Variants in TNFRSF10D observed in about 807,000 individuals in gnomAD.
TNFRSF10D encodes the protein TNF receptor superfamily member 10d.
Under a neutral mutation model 42.1 loss-of-function variants are expected in TNFRSF10D, and 28 were observed. The observed-to-expected ratio is 0.66, with a 90% CI of 0.49 to 0.91. The LOEUF (loss-of-function observed/expected upper bound fraction) is 0.91, where lower values mean the gene tolerates loss of function less well. TNFRSF10D is among the 40% of genes least tolerant of loss of function. TNFRSF10D has a pLI of 0.00. For missense variants in TNFRSF10D, 503 were observed against 486.1 expected (o/e 1.03, Z -0.33); for synonymous variants, 186 against 189.4 (o/e 0.98, Z 0.15).
chr8:23,144,904 G>A (rs112458971), intron 6 of TNFRSF10D, among the ~76,000 whole-genome samples, 154 bp downstream of exon 6: 1,792 of 152,248 alleles, frequency 0.012, 24 homozygotes, highest in African/African-American at 0.039. Context: ...CAAAATGGCC[G>A]TGTGTCCCCC....
intron 1 of TNFRSF10D, among the ~76,000 whole-genome samples, chr8:23,159,945 A>G (rs1716216528): frequency 2.6e-5 from 4 of 151,810 alleles, no homozygotes; most frequent in Non-Finnish European, 5.9e-5. Flanking sequence ...AAAAAAAAAA[A>G]GCCCTTCAAG....
chr8:23,136,285 T>C lies in TNFRSF10D; in HGVS notation c.*1585A>G, dbSNP rs6557617. 178,207 of 230,902 alleles carry C rather than the reference T, an allele frequency of 0.77. 69,481 individuals are homozygous for C. The highest frequency in any genetic ancestry group is 0.88 in the East Asian group (6,227 of 7,100). 14.3% of individuals were successfully genotyped at this position (230,902 alleles called of 1,614,324 possible). ...CAAATGTGTCAGCCATTTTAGATCC[T>C]GTTGTCACAGTGTTTAAGAATTGAT... On this transcript the variant is annotated 3_prime_UTR_variant, in exon 9 of 9. Coordinates refer to ENST00000312584, the MANE Select transcript of TNFRSF10D (RefSeq NM_003840.5).
intron 2 of TNFRSF10D, among the ~76,000 whole-genome samples, 153 bp from the exon 3 acceptor site, chr8:23,148,704 A>T (rs957478490): frequency 6.6e-6 from 1 of 151,956 alleles, no homozygotes; most frequent in Non-Finnish European, 1.5e-5. Flanking sequence ...TGCATCTATT[A>T]CACTATTACA....
intron 1 of TNFRSF10D, among the ~76,000 whole-genome samples, chr8:23,162,646 C>T (rs1800387442): frequency 6.6e-6 from 1 of 152,166 alleles, no homozygotes. Flanking sequence ...ATCTCAGTTT[C>T]CAAACCCAAC....
chr8:23,145,033 CCA>C, intron 6 of TNFRSF10D, 23 bp downstream of exon 6: 2 of 1,614,120 alleles, frequency 1.2e-6, no homozygotes, highest in South Asian at 1.1e-5. Flanking sequence ...CACGAAGCCC[CCA>C]GTTTCTGGAG....
chr8:23,148,280 AT>A (rs572000725), intron 3 of TNFRSF10D, among the ~76,000 whole-genome samples, 157 bp downstream of exon 3: 5,099 of 145,312 alleles, frequency 0.035, 128 homozygotes, highest in African/African-American at 0.06. Context: ...AAAGATTTCT[AT>A]TTTTTTTTTT....
In TNFRSF10D at chr8:23,136,243, G is replaced by C; in HGVS notation, c.*1627C>G. Reference sequence around the variant, plus strand: ...TACTGAGGTTTTTAAATAAAATAATGGAACGTGACACAAGGACAAATGTGT... The same window carrying C: ...TACTGAGGTTTTTAAATAAAATAATCGAACGTGACACAAGGACAAATGTGT... On this transcript the variant is annotated 3_prime_UTR_variant, in exon 9 of 9. Transcript: ENST00000312584. The C allele has an allele frequency of 4.1e-6, 1 of 242,726 alleles. No homozygotes were observed. Among genetic ancestry groups the C allele is most frequent in the Non-Finnish European group, 8.2e-6 (1 of 121,774 alleles). 15.0% of individuals were successfully genotyped at this position (242,726 alleles called of 1,614,324 possible).
intron 7 of TNFRSF10D, among the ~76,000 whole-genome samples, chr8:23,140,111 A>G (rs1209273853): frequency 6.6e-6 from 1 of 152,170 alleles, no homozygotes; most frequent in Non-Finnish European, 1.5e-5. Context: ...AACACGGTGA[A>G]ACCCCACCTC....
At chr8:23,161,752 G>C (rs1261243744) in intron 1 of TNFRSF10D, among the ~76,000 whole-genome samples, 1 of 152,234 alleles carries the variant, frequency 6.6e-6, no homozygotes, top group African/African-American at 2.4e-5. Flanking sequence ...TGTAACAAGG[G>C]TGTAGGGATA....
At chr8:23,149,555 T>G (rs908663371) in intron 2 of TNFRSF10D, among the ~76,000 whole-genome samples, 2 of 152,050 alleles carry the variant, frequency 1.3e-5, no homozygotes, top group East Asian at 3.9e-4. Flanking sequence ...ACTTTTTTTT[T>G]TTTTTAACAA....
At chr8:23,156,819 A>G (rs1157084415) in intron 1 of TNFRSF10D, among the ~76,000 whole-genome samples, 755 of 151,822 alleles carry the variant, frequency 5.0e-3, no homozygotes, top group African/African-American at 0.016. Context: ...TGCCTGCCTG[A>G]GCCTCCCAAA....
At position 23,147,082 on chromosome 8, in the gene TNFRSF10D, G is replaced by C. The variant is rs1278590581; in HGVS notation, c.371-10C>G. ...CTTTTATTTGTTTGACCTGACAACA[G>C]AGCATAAGGTTTTGAGAATGTGTTT... On this transcript the variant is annotated splice_polypyrimidine_tract_variant and intron_variant, in intron 3 of 8. Coordinates refer to ENST00000312584, the MANE Select transcript of TNFRSF10D (RefSeq NM_003840.5). The C allele has an allele frequency of 8.1e-6, 13 of 1,609,502 alleles. No individual in the cohort carries two copies. Among genetic ancestry groups the C allele is most frequent in the Non-Finnish European group, 1.1e-5 (13 of 1,176,090 alleles).
rs369287307 is a variant in TNFRSF10D at position 23,138,380 on chromosome 8, T to G, written c.955-120A>C. On this transcript the variant is annotated intron_variant, in intron 7 of 8. Coordinates refer to ENST00000312584, the MANE Select transcript of TNFRSF10D (RefSeq NM_003840.5). Reference sequence around the variant, plus strand: ...TTTCCCTCTTGGGTCTCCATGGAGATGGAGACAAACCTCTGGTCCTCCATA... The same window carrying G: ...TTTCCCTCTTGGGTCTCCATGGAGAGGGAGACAAACCTCTGGTCCTCCATA... 4.9e-5 allele frequency: 51 copies of G among 1,030,602 alleles called. No individual in the cohort carries two copies. The Admixed American group carries it at 1.0e-3, about 21-fold the overall frequency. The allele number at this position is 1,030,602 out of a possible 1,614,324, so 63.8% of individuals were successfully genotyped here.
rs1800060832 is a variant in TNFRSF10D, at chr8:23,143,355, G to T, written c.954+1095C>A. ...CAAAAAATGTGCAGCGCGGCCAGGT[G>T]CAGTGGCTTATGCCTGTAATCCCAC... On this transcript the variant is annotated intron_variant, in intron 7 of 8. Transcript: ENST00000312584. 1.3e-5 allele frequency among the ~76,000 whole-genome samples: 2 copies of T among 151,618 alleles called. 1 individual carries two copies. Among genetic ancestry groups the T allele is most frequent in the South Asian group, 4.2e-4 (2 of 4,752 alleles).
At position 23,138,406 on chromosome 8, in the gene TNFRSF10D, G is replaced by A. The variant is rs1474585965; in HGVS notation, c.955-146C>T. ...GGAGACAAACCTCTGGTCCTCCATA[G>A]CTCTTGGGCTCTGTGTGCTGGTGGC... On this transcript the variant is annotated intron_variant, in intron 7 of 8. Coordinates refer to ENST00000312584, the MANE Select transcript of TNFRSF10D (RefSeq NM_003840.5). The A allele has an allele frequency of 8.1e-6, 6 of 745,022 alleles. No individual in the cohort carries two copies. In the East Asian group the frequency reaches 1.6e-4, roughly 20 times the overall value. 46.2% of individuals were successfully genotyped at this position (745,022 alleles called of 1,614,324 possible). A position where few individuals can be genotyped will look rare whatever the true frequency, so the allele number is the denominator to read the frequency against.
At chr8:23,150,112 C>T (rs147344818) in intron 2 of TNFRSF10D, among the ~76,000 whole-genome samples, 1 of 152,194 alleles carries the variant, frequency 6.6e-6, no homozygotes, top group Non-Finnish European at 1.5e-5. Flanking sequence ...TTCGGGCTAG[C>T]ACTACAGACC....
At chr8:23,163,234 C>T (rs1055044631) in intron 1 of TNFRSF10D, among the ~76,000 whole-genome samples, 1 of 151,738 alleles carries the variant, frequency 6.6e-6, no homozygotes, top group Admixed American at 6.6e-5. Flanking sequence ...TCCCGAGTAG[C>T]TGGGATTACA....
chr8:23,154,825 G>A (rs750889255), intron 2 of TNFRSF10D, 49 bp downstream of exon 2: 5 of 1,536,190 alleles, frequency 3.3e-6, no homozygotes, highest in Non-Finnish European at 4.4e-6. Flanking sequence ...TATATACAAT[G>A]TTTATCTGTC....
chr8:23,155,089 C>G, intron 1 of TNFRSF10D, 110 bp from the exon 2 acceptor site: 1 of 831,368 alleles, frequency 1.2e-6, no homozygotes, highest in Middle Eastern at 2.3e-4. Context: ...AGAGCCTGGA[C>G]TTTTTTCCCA....
Sources: allele counts gnomAD v4.1 joint callset (sites outside exome capture counted in the v4.1 genomes callset), GRCh38; gene constraint gnomAD v4.1.1; transcripts MANE v1.5; gene names NCBI Gene and HGNC (gene_info 2026-07-23, HGNC 2026-07-21).